The following CCL8 variants were observed in gnomAD, a reference collection of about 807,000 sequenced individuals.
CCL8 encodes the protein C-C motif chemokine 8.
A neutral mutation model predicts 6.6 loss-of-function variants in CCL8; 3 were observed. The observed-to-expected ratio is 0.45, with a 90% CI of 0.21 to 1.17. CCL8 has a LOEUF of 1.17. CCL8 is among the 50% of genes most tolerant of loss of function. The pLI, the probability that CCL8 is intolerant of heterozygous loss-of-function variation, is 0.24. For missense variants in CCL8, 127 were observed against 118.1 expected (o/e 1.08, Z -0.35); for synonymous variants, 49 against 41.8 (o/e 1.17, Z -0.67).
At chr17:34,319,645 A>G in intron 1 of CCL8, 68 bp downstream of exon 1, 2 of 1,216,772 alleles carry the variant, frequency 1.6e-6, no homozygotes, top group Non-Finnish European at 2.4e-6. Context: ...GTCACAGCTC[A>G]TTAGGAACAA....
intron 2 of CCL8, 27 bp from the exon 3 acceptor site, chr17:34,320,775 T>G: frequency 7.1e-7 from 1 of 1,414,250 alleles, no homozygotes; most frequent in Non-Finnish European, 9.9e-7. Flanking sequence ...AAGTCTTCCA[T>G]CTAATTGTGC....
In CCL8 at chr17:34,320,970, C is replaced by T; in HGVS notation, c.*63C>T. 11 of 937,678 alleles carry T rather than the reference C, an allele frequency of 1.2e-5. No homozygotes were observed. In the South Asian group the frequency reaches 1.4e-4, roughly 12 times the overall value. The allele number at this position is 937,678 out of a possible 1,614,324, so 58.1% of individuals were successfully genotyped here. On this transcript the variant is annotated 3_prime_UTR_variant, in exon 3 of 3. Coordinates refer to ENST00000394620, the MANE Select transcript of CCL8 (RefSeq NM_005623.3). ...AAGCTTATTTATTTTCCCCAACCTCCCCCAGGTGCAGTGTGACATTATTTT... is the reference window on the plus strand; with the variant it reads ...AAGCTTATTTATTTTCCCCAACCTCTCCCAGGTGCAGTGTGACATTATTTT...
chr17:34,320,009 C>T (rs1909471685), intron 1 of CCL8, among the ~76,000 whole-genome samples: 1 of 152,082 alleles, frequency 6.6e-6, no homozygotes, highest in South Asian at 2.1e-4. Flanking sequence ...ACTTATGTTC[C>T]CAGTGTCAGA....
At chr17:34,320,408 C>T (rs201414031) in intron 2 of CCL8, 22 bp downstream of exon 2, 2 of 1,459,136 alleles carry the variant, frequency 1.4e-6, no homozygotes, top group Non-Finnish European at 1.9e-6. Context: ...GTGCCTGGCA[C>T]CCCCATTCAA....
In CCL8 at chr17:34,321,382, A is replaced by T. The variant is rs975144737; in HGVS notation, c.*475A>T. On this transcript the variant is annotated 3_prime_UTR_variant, in exon 3 of 3. Coordinates refer to ENST00000394620, the MANE Select transcript of CCL8 (RefSeq NM_005623.3). ...TGAAAAAAAATTTCAAAAAGAAAAA[A>T]ATATATATAATTTAAAACTACTTAG... 5.9e-5 allele frequency: 9 copies of T among 152,690 alleles called. No individual in the cohort carries two copies. The highest frequency in any genetic ancestry group is 1.7e-4 in the African/African-American group (7 of 41,454). 9.5% of individuals were successfully genotyped at this position (152,690 alleles called of 1,614,324 possible). A position where few individuals can be genotyped will look rare whatever the true frequency, so the allele number is the denominator to read the frequency against.
At chr17:34,320,224 T>TA (rs759108213) in intron 1 of CCL8, 45 bp from the exon 2 acceptor site, 1 of 1,160,202 alleles carries the variant, frequency 8.6e-7, no homozygotes, top group African/African-American at 1.5e-5. Context: ...AATGCACACT[T>TA]ACGGTGGGTC....
rs1260156344 is a variant in CCL8, at chr17:34,320,848, A to G, written c.241A>G (p.Arg81Gly). 1 of 1,611,882 alleles carries G rather than the reference A, an allele frequency of 6.2e-7. No homozygotes were observed. Among genetic ancestry groups the G allele is most frequent in the South Asian group, 1.1e-5 (1 of 90,784 alleles). ...GKEVCADPKE[R>G]WVRDSMKHLD... ...GGAGGTCTGTGCTGACCCCAAGGAG[A>G]GATGGGTCAGGGATTCCATGAAGCA... The change falls in exon 3 of 3, where the codon AGA becomes GGA. Residue 81 changes from arginine (R) to glycine (G), a missense_variant. Arg to Gly is a moderately radical substitution (Grantham distance 125). Coordinates refer to ENST00000394620, the MANE Select transcript of CCL8 (RefSeq NM_005623.3).
Position 34,319,507 on chromosome 17 carries a change from G to A in CCL8, c.6G>A (p.Lys2=). Residue 2 remains lysine (K), a synonymous_variant, in exon 1 of 3, where the codon AAG becomes AAA. Transcript: ENST00000394620. ...TCACACCCTTGCCCTCCAAGATGAAGGTTTCTGCAGCGCTTCTGTGCCTGC... is the reference window on the plus strand; with the variant it reads ...TCACACCCTTGCCCTCCAAGATGAAAGTTTCTGCAGCGCTTCTGTGCCTGC... M[K]VSAALLCLLL... 3 of 1,613,810 alleles carry A rather than the reference G, an allele frequency of 1.9e-6. No individual in the cohort carries two copies. The highest frequency in any genetic ancestry group is 2.5e-6 in the Non-Finnish European group (3 of 1,179,818).
rs143847741 is a variant in CCL8, at chr17:34,320,367, T to A, written c.175T>A (p.Cys59Ser). 18 of 1,611,190 alleles carry A rather than the reference T, an allele frequency of 1.1e-5. 2 individuals carry two copies. In the South Asian group the frequency reaches 1.8e-4, roughly 16 times the overall value. ...CTACACAAGAATCACCAACATCCAA[T>A]GTCCCAAGGAAGCTGTGATGTGAGT... ...ESYTRITNIQ[C>S]PKEAVIFKTK... The change falls in exon 2 of 3, where the codon TGT becomes AGT. Residue 59 changes from cysteine (C) to serine (S), a missense_variant. By Grantham distance (112) the Cys-to-Ser change is moderately radical (BLOSUM62 -1). Transcript: ENST00000394620.
At chr17:34,320,436 A>G in intron 2 of CCL8, 50 bp downstream of exon 2, 1 of 1,173,624 alleles carries the variant, frequency 8.5e-7, no homozygotes. Flanking sequence ...GATGGACAAC[A>G]TAGAGAAGTC....
In CCL8 at chr17:34,321,141, T is replaced by G. The variant is rs200578039; in HGVS notation, c.*234T>G. ...TGTAAAATGCAAAATCCTGGTGATG[T>G]GTTTTTTGTTTTTGTTTTCCTGTGA... is the stretch of plus-strand genomic sequence containing the variant. On this transcript the variant is annotated 3_prime_UTR_variant, in exon 3 of 3. Coordinates refer to ENST00000394620, the MANE Select transcript of CCL8 (RefSeq NM_005623.3). 1.2e-5 allele frequency: 5 copies of G among 408,538 alleles called. No homozygotes were observed. The highest frequency in any genetic ancestry group is 2.1e-5 in the Non-Finnish European group (5 of 235,572). The allele number at this position is 408,538 out of a possible 1,614,324, so 25.3% of individuals were successfully genotyped here. A position where few individuals can be genotyped will look rare whatever the true frequency, so the allele number is the denominator to read the frequency against.
At chr17:34,320,549 T>C (rs987870546) in intron 2 of CCL8, among the ~76,000 whole-genome samples, 163 bp downstream of exon 2, 2 of 152,332 alleles carry the variant, frequency 1.3e-5, no homozygotes, top group Middle Eastern at 3.4e-3. Context: ...ATAACTGCTC[T>C]AGGATTCCCT....
In CCL8 at chr17:34,320,450, A is replaced by C. The variant is rs550248425; in HGVS notation, c.194+64A>C. On this transcript the variant is annotated intron_variant, in intron 2 of 2. Transcript: ENST00000394620. ...TGATGGACAACATAGAGAAGTCAAGATTCATGTCCATATGAGTCGGATGCA... is the reference window on the plus strand; with the variant it reads ...TGATGGACAACATAGAGAAGTCAAGCTTCATGTCCATATGAGTCGGATGCA... 21 of 1,028,942 alleles carry C rather than the reference A, an allele frequency of 2.0e-5. 2 individuals are homozygous for C. In the South Asian group the frequency reaches 2.7e-4, roughly 13 times the overall value. The allele number at this position is 1,028,942 out of a possible 1,614,324, so 63.7% of individuals were successfully genotyped here.
rs769863745 is a variant in CCL8, at chr17:34,320,866, A to G, written c.259A>G (p.Met87Val). Residue 87 changes from methionine to valine, a missense_variant, in exon 3 of 3, where the codon ATG (methionine) becomes GTG (valine). By Grantham distance (21) the Met-to-Val change is conservative. Transcript: ENST00000394620. The stretch of plus-strand genomic sequence containing the variant: ...CAAGGAGAGATGGGTCAGGGATTCC[A>G]TGAAGCATCTGGACCAAATATTTCA... ...DPKERWVRDSMKHLDQIFQNL... is the reference protein window; with the variant it reads ...DPKERWVRDSVKHLDQIFQNL... The G allele has an allele frequency of 3.1e-6, 5 of 1,611,548 alleles. No individual in the cohort carries two copies. The South Asian group carries it at 3.3e-5, about 11-fold the overall frequency.
In CCL8 at chr17:34,320,372, C is replaced by A. The variant is rs145807959; in HGVS notation, c.180C>A (p.Pro60=). Residue 60 remains proline, a synonymous_variant, in exon 2 of 3, where the codon CCC becomes CCA. Coordinates refer to ENST00000394620, the MANE Select transcript of CCL8 (RefSeq NM_005623.3). Reference sequence around the variant, plus strand: ...CAAGAATCACCAACATCCAATGTCCCAAGGAAGCTGTGATGTGAGTGGACA... The same window carrying A: ...CAAGAATCACCAACATCCAATGTCCAAAGGAAGCTGTGATGTGAGTGGACA... ...SYTRITNIQC[P]KEAVIFKTKR... 6.2e-7 allele frequency: 1 copy of A among 1,609,286 alleles called. No homozygotes were observed. The highest frequency in any genetic ancestry group is 8.5e-7 in the Non-Finnish European group (1 of 1,175,612).
At chr17:34,320,719 A>T in intron 2 of CCL8, 83 bp from the exon 3 acceptor site, 1 of 856,430 alleles carries the variant, frequency 1.2e-6, no homozygotes, top group South Asian at 1.7e-5. Context: ...CCAAGGGCTG[A>T]TCAGTTCTAG....
chr17:34,320,504 C>T (rs1567655546), intron 2 of CCL8, 118 bp downstream of exon 2: 1 of 704,902 alleles, frequency 1.4e-6, no homozygotes. Flanking sequence ...GGCCCCTCTA[C>T]CCCATAGAGA....
At chr17:34,320,439 G>C in intron 2 of CCL8, 53 bp downstream of exon 2, 2 of 1,130,136 alleles carry the variant, frequency 1.8e-6, no homozygotes, top group South Asian at 2.5e-5. Flanking sequence ...GGACAACATA[G>C]AGAAGTCAAG....
Position 34,321,216 on chromosome 17 carries a change from T to C in CCL8, c.*309T>C, listed in dbSNP as rs1225701482. The C allele has an allele frequency of 1.0e-5, 3 of 289,432 alleles. No individual in the cohort carries two copies. Among genetic ancestry groups the C allele is most frequent in the African/African-American group, 4.6e-5 (2 of 43,658 alleles). The allele number at this position is 289,432 out of a possible 1,614,324, so 17.9% of individuals were successfully genotyped here. A position where few individuals can be genotyped will look rare whatever the true frequency, so the allele number is the denominator to read the frequency against. ...GTCATTGTTCTCCCTCCTACCTGTC[T>C]GTAGTGTTGTGGGGTCCTCCCATGG... On this transcript the variant is annotated 3_prime_UTR_variant, in exon 3 of 3. Transcript: ENST00000394620.
Sources: allele counts gnomAD v4.1 joint callset (sites outside exome capture counted in the v4.1 genomes callset), GRCh38; gene constraint gnomAD v4.1.1; transcripts MANE v1.5; gene names NCBI Gene and HGNC (gene_info 2026-07-23, HGNC 2026-07-21).